The following GPC5 variants were observed in gnomAD, a reference collection of about 807,000 sequenced individuals.
GPC5 encodes the protein glypican 5.
In GPC5, 47 loss-of-function variants were observed where a neutral mutation model predicts 53.9. That is an observed-to-expected ratio of 0.87 (90% CI 0.69 to 1.11). The LOEUF (loss-of-function observed/expected upper bound fraction) is 1.11, where lower values mean the gene tolerates loss of function less well. Ranked by LOEUF, GPC5 falls within the 50% of genes most tolerant of loss-of-function variation. The probability of loss-of-function intolerance (pLI) is 0.00; values close to 1 mark genes in which losing one functional copy is unlikely to be tolerated. For synonymous variants in GPC5, 286 were observed against 263.3 expected, an observed-to-expected ratio of 1.09 and a Z score of -0.84; for missense variants, 748 against 713.1, an observed-to-expected ratio of 1.05 and a Z score of -0.56.
chr13:91,849,454 C>A (rs1185870443), intron 5 of GPC5, among the ~76,000 whole-genome samples: 1 of 152,002 alleles, frequency 6.6e-6, no homozygotes, highest in African/African-American at 2.4e-5. Context: ...TATTTTATAC[C>A]TTCCAGTATT....
At chr13:92,261,532 G>A (rs1334893881) in intron 7 of GPC5, among the ~76,000 whole-genome samples, 1 of 152,042 alleles carries the variant, frequency 6.6e-6, no homozygotes, top group Non-Finnish European at 1.5e-5. Flanking sequence ...TGTAGAGTGT[G>A]CATTACTCAT....
At chr13:92,786,217 A>C (rs1876228287) in intron 7 of GPC5, among the ~76,000 whole-genome samples, 1 of 152,194 alleles carries the variant, frequency 6.6e-6, no homozygotes, top group African/African-American at 2.4e-5. Context: ...AATACAAGAG[A>C]TTTTAATAAA....
intron 5 of GPC5, among the ~76,000 whole-genome samples, chr13:91,873,128 T>A (rs1391587568): frequency 2.6e-5 from 4 of 152,248 alleles, no homozygotes; most frequent in Non-Finnish European, 5.9e-5. Flanking sequence ...GATATGCAAT[T>A]GCCATAGAAA....
intron 6 of GPC5, among the ~76,000 whole-genome samples, chr13:91,928,165 C>T (rs916952537): frequency 7.3e-5 from 11 of 151,282 alleles, no homozygotes; most frequent in Non-Finnish European, 1.2e-4. Context: ...ACAAGAAGAA[C>T]AATATTTCTA....
At chr13:91,574,700 C>T (rs981600929) in intron 2 of GPC5, among the ~76,000 whole-genome samples, 22 of 151,998 alleles carry the variant, frequency 1.4e-4, no homozygotes, top group African/African-American at 5.3e-4. Flanking sequence ...TTTATTTTAC[C>T]TCTCAATTGC....
chr13:92,763,029 T>C lies in GPC5; in HGVS notation c.1562-103253T>C, dbSNP rs146731151. 1.5e-4 allele frequency among the ~76,000 whole-genome samples: 23 copies of C among 152,274 alleles called. No homozygotes were observed. In the East Asian group the frequency reaches 1.7e-3, roughly 12 times the overall value. On this transcript the variant is annotated intron_variant, in intron 7 of 7. Transcript: ENST00000377067. ...GGATTGTTTTTCTGATATTGTTGAATTGTCTATCTGTATTCTCTTGTATGT... is the reference window on the plus strand; with the variant it reads ...GGATTGTTTTTCTGATATTGTTGAACTGTCTATCTGTATTCTCTTGTATGT...
Position 92,421,698 on chromosome 13 carries a change from C to CAAAAAAAA in GPC5, c.1561+276724_1561+276731dup, listed in dbSNP as rs34055682. ...TGTGCCACAGAGCAAGACTCCGTCT[C>CAAAAAAAA]AAAAAAAAAAAAAAAAAAAAAAGTT... is the stretch of plus-strand genomic sequence containing the variant. On this transcript the variant is annotated intron_variant, in intron 7 of 7. Coordinates refer to ENST00000377067, the MANE Select transcript of GPC5 (RefSeq NM_004466.6). Among the ~76,000 whole-genome samples the CAAAAAAAA allele has an allele frequency of 5.1e-3, 352 of 69,458 alleles. 7 individuals are homozygous for CAAAAAAAA. The highest frequency in any genetic ancestry group is 5.6e-3 in the African/African-American group (89 of 15,988). The allele number at this position is 69,458 out of a possible 152,430, so 45.6% of individuals were successfully genotyped here.
At chr13:92,368,660 A>C (rs924550070) in intron 7 of GPC5, among the ~76,000 whole-genome samples, 8 of 148,798 alleles carry the variant, frequency 5.4e-5, no homozygotes, top group African/African-American at 2.0e-4. Context: ...AAAAAAAAAA[A>C]CCTGAAAGTT....
At chr13:92,470,162 A>C (rs1360729865) in intron 7 of GPC5, among the ~76,000 whole-genome samples, 1 of 152,166 alleles carries the variant, frequency 6.6e-6, no homozygotes, top group Non-Finnish European at 1.5e-5. Flanking sequence ...GATCACGTTT[A>C]ATTATAGGAG....
At chr13:92,701,929 G>T (rs1199941532) in intron 7 of GPC5, among the ~76,000 whole-genome samples, 6 of 152,102 alleles carry the variant, frequency 3.9e-5, no homozygotes, top group African/African-American at 1.4e-4. Flanking sequence ...GGCCTCACAT[G>T]CATTTTAAAT....
intron 7 of GPC5, among the ~76,000 whole-genome samples, chr13:92,279,734 AC>A (rs2042900681): frequency 1.3e-5 from 2 of 152,150 alleles, no homozygotes; most frequent in South Asian, 2.1e-4. Flanking sequence ...TACTTTTCTT[AC>A]ATTGAAATAA....
intron 7 of GPC5, among the ~76,000 whole-genome samples, chr13:92,393,321 T>C (rs755702938): frequency 2.2e-4 from 33 of 152,174 alleles, no homozygotes; most frequent in Non-Finnish European, 4.8e-4. Flanking sequence ...AAATAGCACA[T>C]GTTCTCACTT....
chr13:92,592,299 CAAG>C (rs1366305956), intron 7 of GPC5, among the ~76,000 whole-genome samples: 2 of 152,032 alleles, frequency 1.3e-5, no homozygotes, highest in African/African-American at 4.8e-5. Context: ...TGAAGGAGAC[CAAG>C]AAGATGCAAC....
chr13:92,244,023 G>A (rs2042632824), intron 7 of GPC5, among the ~76,000 whole-genome samples: 1 of 152,122 alleles, frequency 6.6e-6, no homozygotes, highest in Admixed American at 6.6e-5. Context: ...TGTAGAATGA[G>A]GCATAGAGAT....
At chr13:91,561,531 G>T (rs1027324386) in intron 2 of GPC5, among the ~76,000 whole-genome samples, 2 of 148,538 alleles carry the variant, frequency 1.3e-5, no homozygotes, top group Admixed American at 6.7e-5. Context: ...TTTCATCAGT[G>T]GTCACTCGAG....
chr13:92,821,018 CTG>C (rs1877655520), intron 7 of GPC5, among the ~76,000 whole-genome samples: 1 of 152,088 alleles, frequency 6.6e-6, no homozygotes, highest in African/African-American at 2.4e-5. Context: ...AAGTCATTTT[CTG>C]TATTAAGACT....
At chr13:92,596,054 C>T (rs56159136) in intron 7 of GPC5, among the ~76,000 whole-genome samples, 1 of 152,138 alleles carries the variant, frequency 6.6e-6, no homozygotes, top group Non-Finnish European at 1.5e-5. Context: ...TACATGCATT[C>T]TCATTCAGAT....
intron 7 of GPC5, among the ~76,000 whole-genome samples, chr13:92,424,765 AT>A (rs1876749471): frequency 6.6e-6 from 1 of 151,690 alleles, no homozygotes; most frequent in Non-Finnish European, 1.5e-5. Context: ...ACATACTTTG[AT>A]TGCTTCACTG....
At chr13:91,761,357 A>C (rs1286083905) in intron 5 of GPC5, among the ~76,000 whole-genome samples, 1 of 152,038 alleles carries the variant, frequency 6.6e-6, no homozygotes, top group Non-Finnish European at 1.5e-5. Flanking sequence ...CTGTGACCAA[A>C]ATTGTGGGGT....
Sources: gnomAD v4.1 joint callset for allele counts (sites outside exome capture counted in the v4.1 genomes callset) on GRCh38, gnomAD v4.1.1 for gene constraint, MANE v1.5 for transcripts, NCBI Gene and HGNC (gene_info 2026-07-23, HGNC 2026-07-21) for gene names.